Variants in UBE2B observed in about 807,000 individuals in gnomAD.
UBE2B encodes ubiquitin conjugating enzyme E2 B, also known as ubiquitin-conjugating enzyme E2 B.
Under a neutral mutation model 24.6 loss-of-function variants are expected in UBE2B, and 11 were observed. The ratio of observed to expected loss-of-function variants is 0.45; its 90% CI spans 0.28 to 0.74. The LOEUF is 0.74. Among genes scored for constraint, UBE2B ranks in the 30% least tolerant of loss-of-function variants. UBE2B has a pLI of 0.13. For synonymous variants in UBE2B, 68 were observed against 62.4 expected (o/e 1.09, Z -0.42); for missense variants, 78 against 185.6 (o/e 0.42, Z 3.37).
At chr5:134,377,440 A>G (rs552862727) in intron 3 of UBE2B, among the ~76,000 whole-genome samples, 1 of 152,310 alleles carries the variant, frequency 6.6e-6, no homozygotes, top group Non-Finnish European at 1.5e-5. Context: ...ATGTATCTGG[A>G]TTCTGGAATA....
At chr5:134,377,047 G>A (rs1440215812) in intron 3 of UBE2B, among the ~76,000 whole-genome samples, 1 of 152,072 alleles carries the variant, frequency 6.6e-6, no homozygotes, top group East Asian at 1.9e-4. Flanking sequence ...ATATTGACAG[G>A]GTGTTGAGCT....
intron 4 of UBE2B, among the ~76,000 whole-genome samples, chr5:134,384,038 C>T (rs33911714): frequency 0.022 from 3,293 of 152,286 alleles, 54 homozygotes; most frequent in Non-Finnish European, 0.034. Context: ...TTGCTGTTTA[C>T]ATCTATTACA....
Position 134,376,340 on chromosome 5 carries a change from A to ATATATATATATATATATATAT in UBE2B, c.126-329_126-328insTATATATATATATATATATAT, listed in dbSNP as rs1206993709. On this transcript the variant is annotated intron_variant, in intron 2 of 5. Transcript: ENST00000265339. ...TCCGTCTCAAAAAAAAAAAAAAAAAAAAAAAAAAATATATATATATATATA... is the reference window on the plus strand; with the variant it reads ...TCCGTCTCAAAAAAAAAAAAAAAAAATATATATATATATATATATATAAAAAAAAATATATATATATATATA... 5.7e-3 allele frequency among the ~76,000 whole-genome samples: 34 copies of ATATATATATATATATATATAT among 5,918 alleles called. 1 individual carries two copies. Among genetic ancestry groups the ATATATATATATATATATATAT allele is most frequent in the East Asian group, 0.017 (4 of 238 alleles). 3.9% of individuals were successfully genotyped at this position (5,918 alleles called of 152,430 possible). A position where few individuals can be genotyped will look rare whatever the true frequency, so the allele number is the denominator to read the frequency against.
At chr5:134,375,128 C>T (rs745688343) in intron 2 of UBE2B, among the ~76,000 whole-genome samples, 3 of 152,158 alleles carry the variant, frequency 2.0e-5, no homozygotes, top group Non-Finnish European at 4.4e-5. Flanking sequence ...CGCAAATGCT[C>T]TCATTCTGTT....
intron 5 of UBE2B, 106 bp downstream of exon 5, chr5:134,388,519 C>G (rs1375850553): frequency 1.3e-5 from 13 of 1,012,492 alleles, no homozygotes; most frequent in South Asian, 7.9e-5. Flanking sequence ...AGAATCCATG[C>G]TTTTCAGCTA....
intron 4 of UBE2B, among the ~76,000 whole-genome samples, chr5:134,381,196 G>A (rs1758703515): frequency 6.6e-6 from 1 of 151,802 alleles, no homozygotes; most frequent in Admixed American, 6.6e-5. Flanking sequence ...TCGATCTCCT[G>A]ACCTTGTGAT....
intron 4 of UBE2B, among the ~76,000 whole-genome samples, chr5:134,382,086 A>T (rs1758718049): frequency 6.6e-6 from 1 of 152,204 alleles, no homozygotes; most frequent in Non-Finnish European, 1.5e-5. Flanking sequence ...AGAAATAGAT[A>T]AAAGTATTAT....
At chr5:134,379,636 T>A (rs1403821091) in intron 3 of UBE2B, among the ~76,000 whole-genome samples, 4 of 134,468 alleles carry the variant, frequency 3.0e-5, no homozygotes, top group African/African-American at 8.9e-5. Flanking sequence ...ACAGTGAGAC[T>A]CTGTCTCAAC....
intron 4 of UBE2B, among the ~76,000 whole-genome samples, chr5:134,381,053 G>A (rs1003699354): frequency 7.5e-5 from 10 of 133,128 alleles, no homozygotes; most frequent in African/African-American, 2.2e-4. Flanking sequence ...TGCAAGCTCC[G>A]CCTCCCGGGT....
Position 134,383,473 on chromosome 5 carries a change from C to CTATTTTT in UBE2B, c.241+2666_241+2667insATTTTTT, listed in dbSNP as rs1554114519. 1.5e-3 allele frequency among the ~76,000 whole-genome samples: 117 copies of CTATTTTT among 80,044 alleles called. 6 individuals carry two copies. Among genetic ancestry groups the CTATTTTT allele is most frequent in the Middle Eastern group, 8.3e-3 (1 of 120 alleles). The allele number at this position is 80,044 out of a possible 152,430, so 52.5% of individuals were successfully genotyped here. On this transcript the variant is annotated intron_variant, in intron 4 of 5. Transcript: ENST00000265339. Reference sequence around the variant, plus strand: ...TGCAGATGTGTGCCACCATACCCAGCTTTTTTTTTTTTTTTTTTTTTTTTT... The same window carrying CTATTTTT: ...TGCAGATGTGTGCCACCATACCCAGCTATTTTTTTTTTTTTTTTTTTTTTTTTTTTTT...
In UBE2B at chr5:134,376,673, G is replaced by C. The variant is rs770240002; in HGVS notation, c.130G>C (p.Glu44Gln). ...CAGAAATCTTCTTGTTTTCAGACCA[G>C]AAGGGACACCTTTTGAAGATGGTAA... Reference protein sequence around the residue: ...MQWNAVIFGPEGTPFEDGTFK... With the variant: ...MQWNAVIFGPQGTPFEDGTFK... Residue 44 changes from glutamate to glutamine, a missense_variant, in exon 3 of 6, where the codon GAA (glutamate) becomes CAA (glutamine). Physicochemically the swap from Glu to Gln is conservative, Grantham distance 29. Around this residue, in one of 2 missense-constraint regions of UBE2B, gnomAD observed 57 missense variants for 167.7 expected, o/e 0.34. Coordinates refer to ENST00000265339, the MANE Select transcript of UBE2B (RefSeq NM_003337.4). 3.7e-6 allele frequency: 6 copies of C among 1,611,872 alleles called. No homozygotes were observed. In the Admixed American group the frequency reaches 8.3e-5, roughly 22 times the overall value.
chr5:134,378,400 C>T (rs902039843), intron 3 of UBE2B, among the ~76,000 whole-genome samples: 3 of 152,058 alleles, frequency 2.0e-5, no homozygotes, highest in Non-Finnish European at 4.4e-5. Context: ...GCTGGGATTA[C>T]AGACATGTGC....
intron 4 of UBE2B, among the ~76,000 whole-genome samples, chr5:134,385,355 T>C (rs1296698093): frequency 6.6e-6 from 1 of 152,100 alleles, no homozygotes; most frequent in Non-Finnish European, 1.5e-5. Flanking sequence ...CCAGTGTGTG[T>C]GTAAAGGGTA....
At chr5:134,388,122 A>G (rs1192830102) in intron 4 of UBE2B, 6 of 579,652 alleles carry the variant, frequency 1.0e-5, no homozygotes, top group Admixed American at 2.9e-5. Flanking sequence ...ACATTTCAAC[A>G]TGAGATTTGG....
intron 1 of UBE2B, among the ~76,000 whole-genome samples, chr5:134,373,531 G>A (rs1758534746): frequency 6.6e-6 from 1 of 151,942 alleles, no homozygotes; most frequent in South Asian, 2.1e-4. Context: ...TGTGCACAAC[G>A]TGCAGGTTTG....
intron 3 of UBE2B, among the ~76,000 whole-genome samples, chr5:134,379,427 C>T (rs909348018): frequency 6.6e-6 from 1 of 152,046 alleles, no homozygotes; most frequent in Non-Finnish European, 1.5e-5. Context: ...GGGCAGATCA[C>T]CTGAGGTCAG....
Position 134,390,206 on chromosome 5 carries a change from T to G in UBE2B, c.331-19T>G. 6.2e-7 allele frequency: 1 copy of G among 1,613,724 alleles called. No individual in the cohort carries two copies. Among genetic ancestry groups the G allele is most frequent in the South Asian group, 1.1e-5 (1 of 91,076 alleles). ...AAGAACAACTATGCAAATCTGTTTTTTCTTTTCTTTCCTCCTAGTCTCTGC... is the reference window on the plus strand; with the variant it reads ...AAGAACAACTATGCAAATCTGTTTTGTCTTTTCTTTCCTCCTAGTCTCTGC... On this transcript the variant is annotated intron_variant, in intron 5 of 5. Transcript: ENST00000265339. This position sits in a 1 kb window ranked among gnomAD's most constrained non-coding sequence, Gnocchi z 4.6.
At position 134,390,257 on chromosome 5, in the gene UBE2B, A is replaced by G; in HGVS notation, c.363A>G (p.Pro121=). The change falls in exon 6 of 6, where the codon CCA becomes CCG. Residue 121 remains proline (P), a synonymous_variant. Coordinates refer to ENST00000265339, the MANE Select transcript of UBE2B (RefSeq NM_003337.4). This position sits in a 1 kb window ranked among gnomAD's most constrained non-coding sequence, Gnocchi z 4.6. ...SLLDEPNPNS[P]ANSQAAQLYQ... ...TGGATGAACCGAATCCTAACAGTCC[A>G]GCCAATAGCCAGGCAGCACAGCTTT... The G allele has an allele frequency of 6.2e-7, 1 of 1,614,182 alleles. No homozygotes were observed. The highest frequency in any genetic ancestry group is 8.5e-7 in the Non-Finnish European group (1 of 1,180,030).
chr5:134,374,746 C>T (rs766975977), intron 2 of UBE2B, among the ~76,000 whole-genome samples: 3 of 152,078 alleles, frequency 2.0e-5, no homozygotes. Context: ...AGTTTTGGCC[C>T]AGTCTGGGCA....
Sources: allele counts gnomAD v4.1 joint callset (sites outside exome capture counted in the v4.1 genomes callset), GRCh38; gene constraint gnomAD v4.1.1; regional missense constraint gnomAD v4.1.1; non-coding constraint Gnocchi (gnomAD v3.1); transcripts MANE v1.5; gene names NCBI Gene and HGNC (gene_info 2026-07-23, HGNC 2026-07-21).